The following CFDP1 variants were observed in gnomAD, a reference collection of about 807,000 sequenced individuals.
The protein encoded by CFDP1 is heterochromatin-stabilizing protein CFDP1.
Under a neutral mutation model 40.1 loss-of-function variants are expected in CFDP1, and 31 were observed. The ratio of observed to expected loss-of-function variants is 0.77; its 90% CI spans 0.58 to 1.04. The LOEUF (loss-of-function observed/expected upper bound fraction) is 1.04. Among genes scored for constraint, CFDP1 ranks in the 50% least tolerant of loss-of-function variants. CFDP1 has a pLI of 0.00. For missense variants in CFDP1, 423 were observed against 343.4 expected, an observed-to-expected ratio of 1.23 and a Z score of -1.83; for synonymous variants, 167 against 120.0, an observed-to-expected ratio of 1.39 and a Z score of -2.56.
intron 1 of CFDP1, among the ~76,000 whole-genome samples, chr16:75,416,376 T>C (rs1178502281): frequency 1.4e-5 from 2 of 147,146 alleles, no homozygotes; most frequent in East Asian, 2.0e-4. Flanking sequence ...GTGGCATCCA[T>C]GGAATAAAAA....
At chr16:75,350,487 T>C (rs2078603406) in intron 5 of CFDP1, among the ~76,000 whole-genome samples, 1 of 152,242 alleles carries the variant, frequency 6.6e-6, no homozygotes, top group South Asian at 2.1e-4. Flanking sequence ...TGAATAATTA[T>C]GTATTATAAG....
chr16:75,308,295 T>C (rs1242681236), intron 5 of CFDP1, among the ~76,000 whole-genome samples: 1 of 152,176 alleles, frequency 6.6e-6, no homozygotes, highest in Non-Finnish European at 1.5e-5. Context: ...GGCCTTGGAA[T>C]TGTACTCTTA....
chr16:75,433,249 G>T, intron 1 of CFDP1, 40 bp downstream of exon 1: 2 of 1,557,764 alleles, frequency 1.3e-6, no homozygotes, highest in African/African-American at 1.4e-5. Context: ...GAGGCGTGGG[G>T]CGGGGCAATT....
intron 5 of CFDP1, among the ~76,000 whole-genome samples, chr16:75,375,943 T>A (rs1325761989): frequency 6.6e-6 from 1 of 152,260 alleles, no homozygotes; most frequent in Non-Finnish European, 1.5e-5. Context: ...CTGAGCGTTG[T>A]GGCTCATGCC....
chr16:75,393,411 G>A (rs1489506730), intron 5 of CFDP1, among the ~76,000 whole-genome samples: 1 of 152,078 alleles, frequency 6.6e-6, no homozygotes, highest in African/African-American at 2.4e-5. Flanking sequence ...CTGTTGTTAA[G>A]AGCCAGGGCT....
At chr16:75,321,931 C>A (rs1033804201) in intron 5 of CFDP1, 2 of 152,276 alleles carry the variant, frequency 1.3e-5, no homozygotes, top group Non-Finnish European at 2.9e-5. Flanking sequence ...TCATGCCATT[C>A]TCCTGCCTCA....
At chr16:75,405,616 G>A (rs893081848) in intron 4 of CFDP1, among the ~76,000 whole-genome samples, 1 of 152,032 alleles carries the variant, frequency 6.6e-6, no homozygotes, top group African/African-American at 2.4e-5. Flanking sequence ...GCCAGGCATG[G>A]TGGTGCGTGC....
intron 5 of CFDP1, among the ~76,000 whole-genome samples, chr16:75,333,273 G>A (rs1173718134): frequency 6.6e-6 from 1 of 151,900 alleles, no homozygotes; most frequent in African/African-American, 2.4e-5. Flanking sequence ...ACAGGCGCAC[G>A]CCGCCACGCC....
chr16:75,320,238 T>G (rs954919148), intron 5 of CFDP1, among the ~76,000 whole-genome samples: 6 of 152,208 alleles, frequency 3.9e-5, no homozygotes, highest in Non-Finnish European at 7.3e-5. Context: ...ACAAGTCCAG[T>G]TTCTTTGCAT....
rs560134970 is a variant in CFDP1, at chr16:75,342,767, A to G, written c.651-37585T>C. Among the ~76,000 whole-genome samples the G allele has an allele frequency of 9.8e-5, 15 of 152,302 alleles. No homozygotes were observed. The South Asian group carries it at 2.3e-3, about 23-fold the overall frequency. On this transcript the variant is annotated intron_variant, in intron 5 of 6. Coordinates refer to ENST00000283882, the MANE Select transcript of CFDP1 (RefSeq NM_006324.3). ...AGAAACCACAGGGCAGTGATTCTCA[A>G]CCTTGGGTCATTCTGCCCTCAGGAA...
At chr16:75,395,025 G>C (rs2078984498) in intron 5 of CFDP1, 65 bp downstream of exon 5, 2 of 1,588,518 alleles carry the variant, frequency 1.3e-6, no homozygotes, top group Admixed American at 1.7e-5. Flanking sequence ...AGCGAAAGTA[G>C]GTATTTGCAC....
At chr16:75,319,562 TGG>T (rs1283036572) in intron 5 of CFDP1, among the ~76,000 whole-genome samples, 16 of 152,176 alleles carry the variant, frequency 1.1e-4, no homozygotes, top group Admixed American at 1.0e-3. Context: ...ACTTTCTCAG[TGG>T]CATCCGCAAC....
chr16:75,356,085 A>G (rs1162211466), intron 5 of CFDP1, among the ~76,000 whole-genome samples: 1 of 152,204 alleles, frequency 6.6e-6, no homozygotes, highest in African/African-American at 2.4e-5. Flanking sequence ...GCCTCCTCCC[A>G]TGAATCACAA....
intron 1 of CFDP1, among the ~76,000 whole-genome samples, chr16:75,422,694 C>G (rs566232456): frequency 3.6e-4 from 55 of 151,630 alleles, no homozygotes; most frequent in African/African-American, 1.1e-3. Flanking sequence ...CACATCCAGC[C>G]TCTTAGAGAG....
intron 5 of CFDP1, among the ~76,000 whole-genome samples, chr16:75,370,258 A>G (rs1466100285): frequency 6.6e-6 from 1 of 151,350 alleles, no homozygotes; most frequent in South Asian, 2.1e-4. Flanking sequence ...ACACCCAGCT[A>G]ATTTTTGTAT....
intron 5 of CFDP1, among the ~76,000 whole-genome samples, chr16:75,328,557 C>T (rs1201857653): frequency 2.9e-5 from 4 of 139,754 alleles, no homozygotes; most frequent in African/African-American, 1.1e-4. Flanking sequence ...CAAGATCATG[C>T]CATTGCACTC....
chr16:75,330,055 C>T (rs899232786), intron 5 of CFDP1, among the ~76,000 whole-genome samples: 2 of 152,140 alleles, frequency 1.3e-5, no homozygotes, highest in Admixed American at 1.3e-4. Context: ...AGGGTTACTT[C>T]CCTGACCCCA....
At chr16:75,361,603 C>G (rs1238883753) in intron 5 of CFDP1, among the ~76,000 whole-genome samples, 1 of 151,958 alleles carries the variant, frequency 6.6e-6, no homozygotes, top group Non-Finnish European at 1.5e-5. Context: ...GGCAACAGAG[C>G]AAGACTATGT....
chr16:75,403,076 T>C (rs1260264592), intron 4 of CFDP1, among the ~76,000 whole-genome samples: 1 of 152,126 alleles, frequency 6.6e-6, no homozygotes, highest in Non-Finnish European at 1.5e-5. Context: ...TTCTGACAAA[T>C]TGAGAAAACA....
Sources: gnomAD v4.1 joint callset for allele counts (sites outside exome capture counted in the v4.1 genomes callset) on GRCh38, gnomAD v4.1.1 for gene constraint, MANE v1.5 for transcripts, NCBI Gene and HGNC (gene_info 2026-07-23, HGNC 2026-07-21) for gene names.